The following SCMH1 variants were observed in gnomAD, a reference collection of about 807,000 sequenced individuals.
SCMH1 encodes the protein Scm polycomb group protein homolog 1, also known as polycomb protein SCMH1.
Under a neutral mutation model 70.8 loss-of-function variants are expected in SCMH1, and 37 were observed. That is an observed-to-expected ratio of 0.52 (90% CI 0.40 to 0.69). The LOEUF (loss-of-function observed/expected upper bound fraction) is 0.69, where lower values mean the gene tolerates loss of function less well. Ranked by LOEUF, SCMH1 falls within the 30% of genes least tolerant of loss-of-function variation. SCMH1 has a pLI of 0.00. For missense variants in SCMH1, 607 were observed against 827.3 expected, an observed-to-expected ratio of 0.73 and a Z score of 3.27; for synonymous variants, 292 against 307.4, an observed-to-expected ratio of 0.95 and a Z score of 0.52.
intron 2 of SCMH1, among the ~76,000 whole-genome samples, chr1:41,176,699 G>A (rs1025750777): frequency 6.6e-6 from 1 of 152,202 alleles, no homozygotes; most frequent in African/African-American, 2.4e-5. Flanking sequence ...AGCGAGGCTG[G>A]GGGAGGGGCG....
chr1:41,114,367 C>T (rs1306265438), intron 7 of SCMH1, among the ~76,000 whole-genome samples: 1 of 152,100 alleles, frequency 6.6e-6, no homozygotes, highest in African/African-American at 2.4e-5. Flanking sequence ...CTATTCTGTT[C>T]CCTTAATCTT....
intron 2 of SCMH1, among the ~76,000 whole-genome samples, chr1:41,170,191 T>C (rs1476716582): frequency 2.0e-5 from 3 of 152,168 alleles, no homozygotes; most frequent in Non-Finnish European, 4.4e-5. Context: ...GACTTGCGTA[T>C]GTCTAATCCC....
At chr1:41,056,580 T>A (rs1010994887) in intron 10 of SCMH1, among the ~76,000 whole-genome samples, 2 of 152,292 alleles carry the variant, frequency 1.3e-5, no homozygotes, top group Middle Eastern at 3.4e-3. Flanking sequence ...AAAAGCTGAA[T>A]AAGCTGAAAA....
intron 6 of SCMH1, among the ~76,000 whole-genome samples, chr1:41,139,373 A>T (rs1553149466): frequency 2.0e-5 from 3 of 152,040 alleles, no homozygotes; most frequent in Non-Finnish European, 4.4e-5. Context: ...CTGGTTTCAG[A>T]TCTTTATATC....
chr1:41,206,583 T>C (rs1655595132), intron 1 of SCMH1, among the ~76,000 whole-genome samples: 1 of 152,130 alleles, frequency 6.6e-6, no homozygotes, highest in African/African-American at 2.4e-5. Flanking sequence ...ACCTGAAAGT[T>C]ACAGGGAGAA....
intron 6 of SCMH1, among the ~76,000 whole-genome samples, chr1:41,123,454 C>T (rs1672435381): frequency 6.6e-6 from 1 of 152,186 alleles, no homozygotes; most frequent in Non-Finnish European, 1.5e-5. Context: ...TAAAGGCTAG[C>T]TTCTACTCCA....
intron 10 of SCMH1, among the ~76,000 whole-genome samples, chr1:41,067,599 GAC>G (rs1655098127): frequency 1.3e-5 from 2 of 151,914 alleles, no homozygotes; most frequent in African/African-American, 2.4e-5. Context: ...TTCTGGAAAA[GAC>G]AAATCTATGG....
exon 15 of SCMH1, chr1:41,028,050 A>G (rs1034261620): frequency 7.6e-6 from 7 of 919,294 alleles, no homozygotes; most frequent in Non-Finnish European, 1.2e-5. Context: ...AGCTGTGGCT[A>G]GGAGTGGTGG....
chr1:41,125,988 T>C (rs1673093990), intron 6 of SCMH1, among the ~76,000 whole-genome samples: 1 of 152,192 alleles, frequency 6.6e-6, no homozygotes, highest in Non-Finnish European at 1.5e-5. Flanking sequence ...ACAAATCATA[T>C]GTTACATATA....
chr1:41,063,967 C>T (rs555561641), intron 10 of SCMH1, among the ~76,000 whole-genome samples: 1 of 152,254 alleles, frequency 6.6e-6, no homozygotes, highest in African/African-American at 2.4e-5. Context: ...TATTTTCTAA[C>T]TTATTTTATC....
At chr1:41,064,113 C>A (rs1176184315) in intron 10 of SCMH1, among the ~76,000 whole-genome samples, 2 of 152,200 alleles carry the variant, frequency 1.3e-5, no homozygotes, top group African/African-American at 4.8e-5. Context: ...TTAATATAAT[C>A]TATCATATCA....
chr1:41,156,868 G>A (rs1363537034), intron 4 of SCMH1, among the ~76,000 whole-genome samples: 1 of 151,250 alleles, frequency 6.6e-6, no homozygotes, highest in East Asian at 1.9e-4. Context: ...GTTTCCCTAT[G>A]GTGCCCAGGC....
At chr1:41,039,992 A>T (rs1266213361) in intron 12 of SCMH1, among the ~76,000 whole-genome samples, 1 of 151,826 alleles carries the variant, frequency 6.6e-6, no homozygotes, top group East Asian at 1.9e-4. Flanking sequence ...CTGGTAAAAC[A>T]AAACAAACTT....
At chr1:41,172,086 G>C (rs1364579609) in intron 2 of SCMH1, among the ~76,000 whole-genome samples, 3 of 151,666 alleles carry the variant, frequency 2.0e-5, no homozygotes, top group African/African-American at 7.3e-5. Context: ...CAACTACTTG[G>C]AGGCTGAGGT....
intron 2 of SCMH1, 56 bp from the exon 3 acceptor site, chr1:41,161,488 T>C: frequency 6.6e-7 from 1 of 1,505,510 alleles, no homozygotes. Flanking sequence ...TTAAATACTT[T>C]TCCAATTTGG....
intron 8 of SCMH1, among the ~76,000 whole-genome samples, chr1:41,112,581 GTATAA>G (rs1163610724): frequency 1.3e-5 from 2 of 151,780 alleles, no homozygotes; most frequent in African/African-American, 4.8e-5. Flanking sequence ...TAATCATATA[GTATAA>G]TATGATATAG....
intron 10 of SCMH1, among the ~76,000 whole-genome samples, chr1:41,062,342 G>A (rs1179338886): frequency 6.6e-6 from 1 of 151,926 alleles, no homozygotes; most frequent in African/African-American, 2.4e-5. Context: ...GGTGGCTCAC[G>A]CCTGTAATCC....
chr1:41,156,295 A>G (rs1645536583), intron 4 of SCMH1, among the ~76,000 whole-genome samples: 1 of 152,218 alleles, frequency 6.6e-6, no homozygotes, highest in African/African-American at 2.4e-5. Context: ...TGTGAACCCA[A>G]ATTCTTAAAA....
rs149204948 is a variant in SCMH1, at chr1:41,056,299, T to C, written c.1106-7409A>G. Among the ~76,000 whole-genome samples the C allele has an allele frequency of 3.3e-3, 503 of 152,334 alleles. 4 individuals carry two copies. The highest frequency in any genetic ancestry group is 0.032 in the East Asian group (167 of 5,182). ...TGAATGGAATTATCATAAGCCCCAA[T>C]TGAGGTACCCCAACTGATGCCATGT... On this transcript the variant is annotated intron_variant, in intron 10 of 14. Coordinates refer to ENST00000337495, the Ensembl canonical transcript of SCMH1.
Sources: allele counts gnomAD v4.1 joint callset (sites outside exome capture counted in the v4.1 genomes callset), GRCh38; gene constraint gnomAD v4.1.1; transcripts MANE v1.5; gene names NCBI Gene and HGNC (gene_info 2026-07-23, HGNC 2026-07-21).